Variants in MAPK10 observed in about 807,000 individuals in gnomAD.
MAPK10 encodes the protein mitogen-activated protein kinase 10.
MAPK10 carries 25 observed loss-of-function variants against 59.3 expected under a neutral mutation model. The observed-to-expected ratio is 0.42, with a 90% CI of 0.31 to 0.59. The LOEUF is 0.59. MAPK10 is among the 20% of genes least tolerant of loss of function. The pLI, the probability that MAPK10 is intolerant of heterozygous loss-of-function variation, is 0.15. For synonymous variants in MAPK10, 190 were observed against 200.5 expected, an observed-to-expected ratio of 0.95 and a Z score of 0.44; for missense variants, 351 against 568.9, an observed-to-expected ratio of 0.62 and a Z score of 3.90.
chr4:86,071,750 T>C (rs1425026491), intron 9 of MAPK10, among the ~76,000 whole-genome samples: 1 of 151,070 alleles, frequency 6.6e-6, no homozygotes, highest in Admixed American at 6.6e-5. Context: ...CATTGATCTA[T>C]ATCTCTGTTT....
intron 4 of MAPK10, among the ~76,000 whole-genome samples, chr4:86,149,972 T>C (rs1031881999): frequency 1.3e-5 from 2 of 152,182 alleles, no homozygotes; most frequent in Non-Finnish European, 1.5e-5. Context: ...AATTGGATAT[T>C]TAACCTTTCC....
intron 1 of MAPK10, among the ~76,000 whole-genome samples, chr4:86,448,243 A>T (rs1168833457): frequency 6.6e-6 from 1 of 152,230 alleles, no homozygotes; most frequent in African/African-American, 2.4e-5. Context: ...CTTTTAATTA[A>T]TATAGCTTTA....
At chr4:86,507,655 T>C (rs28744647) in intron 1 of MAPK10, among the ~76,000 whole-genome samples, 10,198 of 70,900 alleles carry the variant, frequency 0.14, 995 homozygotes, top group South Asian at 0.27. Context: ...TATATATATA[T>C]ATATATATAT....
rs564314773 is a variant in MAPK10 at position 86,126,359 on chromosome 4, T to C, written c.237-19007A>G. Among the ~76,000 whole-genome samples the C allele has an allele frequency of 3.9e-5, 6 of 152,216 alleles. No individual in the cohort carries two copies. In the South Asian group the frequency reaches 1.0e-3, roughly 26 times the overall value. ...GTTTATTTGTATCATAATTATGATA[T>C]ACTTGTCATCTATTATGTTTTATCA... On this transcript the variant is annotated intron_variant, in intron 4 of 13. Coordinates refer to ENST00000641462, the MANE Select transcript of MAPK10 (RefSeq NM_138982.4).
intron 1 of MAPK10, among the ~76,000 whole-genome samples, chr4:86,498,753 A>G (rs1755081975): frequency 6.6e-6 from 1 of 152,214 alleles, no homozygotes; most frequent in Non-Finnish European, 1.5e-5. Flanking sequence ...TATTTAAGCT[A>G]GCTACCACTA....
At chr4:86,065,827 T>C (rs190400925) in intron 10 of MAPK10, among the ~76,000 whole-genome samples, 1 of 152,360 alleles carries the variant, frequency 6.6e-6, no homozygotes, top group African/African-American at 2.4e-5. Flanking sequence ...AAAATTTAAA[T>C]GGATTTTTCA....
intron 1 of MAPK10, among the ~76,000 whole-genome samples, chr4:86,406,205 C>T (rs902872146): frequency 6.6e-6 from 1 of 152,178 alleles, no homozygotes; most frequent in Non-Finnish European, 1.5e-5. Context: ...CAATAGCTTA[C>T]AGCAGTGCTA....
intron 2 of MAPK10, among the ~76,000 whole-genome samples, chr4:86,264,365 C>G (rs1261953481): frequency 6.6e-6 from 1 of 152,150 alleles, no homozygotes; most frequent in Non-Finnish European, 1.5e-5. Context: ...CCTTCCAAGG[C>G]AAATGAATTT....
intron 2 of MAPK10, among the ~76,000 whole-genome samples, chr4:86,221,556 AG>A (rs2089600983): frequency 6.6e-6 from 1 of 151,934 alleles, no homozygotes; most frequent in East Asian, 1.9e-4. Flanking sequence ...GGGTGATCAC[AG>A]GTCACTGCAG....
chr4:86,134,288 C>T (rs889358340), intron 4 of MAPK10, among the ~76,000 whole-genome samples: 1 of 152,112 alleles, frequency 6.6e-6, no homozygotes, highest in Admixed American at 6.5e-5. Flanking sequence ...TTAACCATTC[C>T]CTTCCTATGT....
intron 9 of MAPK10, among the ~76,000 whole-genome samples, chr4:86,086,460 T>C (rs1441003007): frequency 2.0e-5 from 3 of 152,172 alleles, no homozygotes; most frequent in Non-Finnish European, 4.4e-5. Flanking sequence ...TATTCCATCT[T>C]CCATGATGTG....
intron 1 of MAPK10, among the ~76,000 whole-genome samples, chr4:86,567,404 G>C (rs575451019): frequency 2.6e-5 from 4 of 152,226 alleles, no homozygotes; most frequent in South Asian, 4.1e-4. Flanking sequence ...ATTGTTAGTA[G>C]AGACAGGGTT....
At chr4:86,269,400 C>T (rs756783594) in intron 2 of MAPK10, among the ~76,000 whole-genome samples, 32 of 152,254 alleles carry the variant, frequency 2.1e-4, no homozygotes, top group Admixed American at 2.6e-4. Flanking sequence ...ATTGCATCTT[C>T]TAAAATCTTC....
intron 1 of MAPK10, among the ~76,000 whole-genome samples, chr4:86,579,244 C>T (rs995467805): frequency 2.0e-5 from 3 of 152,188 alleles, no homozygotes; most frequent in Non-Finnish European, 2.9e-5. Context: ...AAGAAACTTT[C>T]CTATCTCTGT....
chr4:86,121,174 A>G (rs1383992009), intron 4 of MAPK10, among the ~76,000 whole-genome samples: 1 of 152,142 alleles, frequency 6.6e-6, no homozygotes, highest in Non-Finnish European at 1.5e-5. Flanking sequence ...GCTATAACAA[A>G]ACATCTGAGA....
chr4:86,510,477 T>C (rs1163591466), intron 1 of MAPK10, among the ~76,000 whole-genome samples: 1 of 151,956 alleles, frequency 6.6e-6, no homozygotes, highest in Non-Finnish European at 1.5e-5. Flanking sequence ...TGTCAATCAA[T>C]AGATGAATGA....
chr4:86,290,849 C>T (rs2095201662), intron 2 of MAPK10, among the ~76,000 whole-genome samples: 1 of 152,112 alleles, frequency 6.6e-6, no homozygotes, highest in Non-Finnish European at 1.5e-5. Flanking sequence ...TAGTGAAAAA[C>T]TAGTATGTAA....
chr4:86,423,497 G>T (rs907277949), intron 1 of MAPK10, among the ~76,000 whole-genome samples: 37 of 152,212 alleles, frequency 2.4e-4, no homozygotes, highest in South Asian at 1.2e-3. Flanking sequence ...TGGTGGCAGT[G>T]GCTGTTACAA....
intron 11 of MAPK10, among the ~76,000 whole-genome samples, chr4:86,037,924 C>T (rs1157423084): frequency 6.6e-6 from 1 of 152,158 alleles, no homozygotes. Flanking sequence ...CAAATTTGTG[C>T]CTGCCACACA....
Sources: allele counts gnomAD v4.1 joint callset (sites outside exome capture counted in the v4.1 genomes callset), GRCh38; gene constraint gnomAD v4.1.1; transcripts MANE v1.5; gene names NCBI Gene and HGNC (gene_info 2026-07-23, HGNC 2026-07-21).